ZDHHC20: variants seen among roughly 807,000 people sequenced by gnomAD.
ZDHHC20 encodes the protein zDHHC palmitoyltransferase 20.
In ZDHHC20, 43 loss-of-function variants were observed where a neutral mutation model predicts 57.8. The ratio of observed to expected loss-of-function variants is 0.74; its 90% CI spans 0.58 to 0.96. The LOEUF (loss-of-function observed/expected upper bound fraction) is 0.96. Among genes scored for constraint, ZDHHC20 ranks in the 40% least tolerant of loss-of-function variants. The pLI is 0.00. For missense variants in ZDHHC20, 391 were observed against 441.1 expected, an observed-to-expected ratio of 0.89 and a Z score of 1.02; for synonymous variants, 157 against 153.0, an observed-to-expected ratio of 1.03 and a Z score of -0.19.
At chr13:21,415,256 C>T (rs1879805500) in intron 3 of ZDHHC20, among the ~76,000 whole-genome samples, 1 of 152,208 alleles carries the variant, frequency 6.6e-6, no homozygotes, top group African/African-American at 2.4e-5. Flanking sequence ...TACGGGTCTT[C>T]TGTGTTCTAC....
intron 3 of ZDHHC20, among the ~76,000 whole-genome samples, chr13:21,414,963 A>G (rs947834387): frequency 7.9e-5 from 12 of 151,956 alleles, no homozygotes; most frequent in African/African-American, 2.9e-4. Context: ...CAATTCCTCA[A>G]TTTTTATTTA....
At chr13:21,378,783 A>G (rs1329797298) in intron 11 of ZDHHC20, 45 bp from the exon 12 acceptor site, 15 of 1,162,732 alleles carry the variant, frequency 1.3e-5, no homozygotes, top group Middle Eastern at 2.1e-4. Context: ...AAAAAAAAAA[A>G]AAGAAGTATT....
At chr13:21,435,334 T>A (rs1190442186) in intron 1 of ZDHHC20, among the ~76,000 whole-genome samples, 1 of 152,198 alleles carries the variant, frequency 6.6e-6, no homozygotes, top group African/African-American at 2.4e-5. Flanking sequence ...TGCTTGAATG[T>A]TTCCATTTTT....
At chr13:21,407,656 C>T (rs1187072647) in intron 4 of ZDHHC20, among the ~76,000 whole-genome samples, 3 of 152,316 alleles carry the variant, frequency 2.0e-5, no homozygotes, top group South Asian at 2.1e-4. Context: ...GCTTTTGTTG[C>T]AATTGCTTTT....
intron 4 of ZDHHC20, chr13:21,404,239 T>C: frequency 2.2e-6 from 1 of 455,156 alleles, no homozygotes; most frequent in South Asian, 1.6e-5. Flanking sequence ...AAATAACCAA[T>C]CTTCTTTCTG....
At chr13:21,429,228 T>A (rs1361807266) in intron 1 of ZDHHC20, among the ~76,000 whole-genome samples, 3 of 152,146 alleles carry the variant, frequency 2.0e-5, no homozygotes, top group African/African-American at 7.2e-5. Context: ...GGGAAAAAAT[T>A]TTTTTGCCCT....
chr13:21,388,956 A>G (rs1186147951), intron 8 of ZDHHC20, among the ~76,000 whole-genome samples: 1 of 152,214 alleles, frequency 6.6e-6, no homozygotes, highest in Non-Finnish European at 1.5e-5. Context: ...ACCAGAAGGG[A>G]AAGAAAAACT....
In ZDHHC20 at chr13:21,387,592, T is replaced by G; in HGVS notation, c.770A>C (p.Asn257Thr). Residue 257 changes from asparagine (N) to threonine (T), a missense_variant, in exon 9 of 13, where the codon AAT becomes ACT. Physicochemically the swap from Asn to Thr is moderately conservative, Grantham distance 65. Around this residue, in one of 3 missense-constraint regions of ZDHHC20, gnomAD observed 197 missense variants for 220.8 expected, o/e 0.89. Coordinates refer to ENST00000400590, the MANE Select transcript of ZDHHC20 (RefSeq NM_001330059.2). ...TTTACTGCATCCAAGAGAGAAACCA[T>G]TTCCATCAGGTCCGTATGAAAACGT... ...APTFSYGPDG[N>T]GFSLGCSKNW... The G allele has an allele frequency of 6.6e-7, 1 of 1,514,352 alleles. No individual in the cohort carries two copies. The highest frequency in any genetic ancestry group is 8.9e-7 in the Non-Finnish European group (1 of 1,127,486). 93.8% of individuals were successfully genotyped at this position (1,514,352 alleles called of 1,614,324 possible).
chr13:21,379,736 T>C (rs1431421282), intron 11 of ZDHHC20, among the ~76,000 whole-genome samples: 3 of 152,210 alleles, frequency 2.0e-5, no homozygotes, highest in African/African-American at 7.2e-5. Flanking sequence ...TTACTGACTA[T>C]TCTATACCTT....
At chr13:21,381,333 T>C in intron 11 of ZDHHC20, 101 bp downstream of exon 11, 1 of 986,250 alleles carries the variant, frequency 1.0e-6, no homozygotes, top group Non-Finnish European at 1.5e-6. Context: ...CATATTTTAG[T>C]ATTTTTAAAA....
intron 8 of ZDHHC20, 142 bp downstream of exon 8, chr13:21,391,580 G>A (rs1265294183): frequency 1.3e-6 from 1 of 789,298 alleles, no homozygotes; most frequent in Non-Finnish European, 1.9e-6. Context: ...TGCAGTAGCT[G>A]GGATTATTAG....
intron 1 of ZDHHC20, among the ~76,000 whole-genome samples, chr13:21,435,215 C>T (rs1456411209): frequency 6.6e-6 from 1 of 151,684 alleles, no homozygotes; most frequent in Non-Finnish European, 1.5e-5. Flanking sequence ...TCCTGTGAAA[C>T]ATCTGCTTAC....
chr13:21,443,511 T>C (rs1883382592), intron 1 of ZDHHC20, among the ~76,000 whole-genome samples: 1 of 152,234 alleles, frequency 6.6e-6, no homozygotes, highest in South Asian at 2.1e-4. Context: ...ATTCTCTATG[T>C]CCTAGCTATG....
chr13:21,449,351 C>T (rs1327024991), intron 1 of ZDHHC20, among the ~76,000 whole-genome samples: 7 of 152,182 alleles, frequency 4.6e-5, no homozygotes, highest in Non-Finnish European at 7.3e-5. Context: ...TCAGGCAGCT[C>T]GAATGGGGTG....
rs1879999653 is a variant in ZDHHC20, at chr13:21,416,549, T to TA, written c.250-2778dup. ...CAAAAAGTATATTTCTATAGTCTAG[T>TA]AAGAGAGCCATATAAACAAAGAATT... On this transcript the variant is annotated intron_variant, in intron 3 of 12. Coordinates refer to ENST00000400590, the MANE Select transcript of ZDHHC20 (RefSeq NM_001330059.2). Among the ~76,000 whole-genome samples, 3 of 152,198 alleles carry TA rather than the reference T, an allele frequency of 2.0e-5. No individual in the cohort carries two copies. The South Asian group carries it at 6.2e-4, about 32-fold the overall frequency.
At chr13:21,441,634 A>C (rs1219123628) in intron 1 of ZDHHC20, among the ~76,000 whole-genome samples, 3 of 131,572 alleles carry the variant, frequency 2.3e-5, no homozygotes, top group Non-Finnish European at 4.6e-5. Flanking sequence ...TGATCTCCTG[A>C]CCTCGTGATC....
At chr13:21,444,391 A>T (rs760090727) in intron 1 of ZDHHC20, among the ~76,000 whole-genome samples, 1 of 152,190 alleles carries the variant, frequency 6.6e-6, no homozygotes, top group Non-Finnish European at 1.5e-5. Context: ...AAGAAACATA[A>T]GCAAAAGGGA....
At chr13:21,422,725 C>T (rs1409548244) in intron 2 of ZDHHC20, among the ~76,000 whole-genome samples, 1 of 152,158 alleles carries the variant, frequency 6.6e-6, no homozygotes, top group African/African-American at 2.4e-5. Context: ...CTTTGGATTG[C>T]TGCAAAAGCC....
rs535986115 is a variant in ZDHHC20, at chr13:21,430,794, C to G, written c.119-5116G>C. On this transcript the variant is annotated intron_variant, in intron 1 of 12. Transcript: ENST00000400590. ...AGAAAAAAAAAATCTAGGGAACACACCACCATGTTATTCCTCAGGTCGCAA... is the reference window on the plus strand; with the variant it reads ...AGAAAAAAAAAATCTAGGGAACACAGCACCATGTTATTCCTCAGGTCGCAA... Among the ~76,000 whole-genome samples, 7 of 152,260 alleles carry G rather than the reference C, an allele frequency of 4.6e-5. No individual in the cohort carries two copies. The East Asian group carries it at 1.4e-3, about 29-fold the overall frequency.
Sources: allele counts gnomAD v4.1 joint callset (sites outside exome capture counted in the v4.1 genomes callset), GRCh38; gene constraint gnomAD v4.1.1; regional missense constraint gnomAD v4.1.1; transcripts MANE v1.5; gene names NCBI Gene and HGNC (gene_info 2026-07-23, HGNC 2026-07-21).